The following RSBN1L variants were observed in gnomAD, a reference collection of about 807,000 sequenced individuals.
RSBN1L encodes the protein round spermatid basic protein 1 like.
A neutral mutation model predicts 67.7 loss-of-function variants in RSBN1L; 30 were observed. The observed-to-expected ratio is 0.44, with a 90% CI of 0.33 to 0.60. RSBN1L has a LOEUF of 0.60. Ranked by LOEUF, RSBN1L falls within the 20% of genes least tolerant of loss-of-function variation. The pLI is 0.02. For missense variants in RSBN1L, 992 were observed against 1,031.7 expected (o/e 0.96, Z 0.53); for synonymous variants, 433 against 387.0 (o/e 1.12, Z -1.39).
At position 77,697,064 on chromosome 7, in the gene RSBN1L, C is replaced by G. The variant is rs1310968269; in HGVS notation, c.586+9C>G. On this transcript the variant is annotated intron_variant, in intron 1 of 7. Coordinates refer to ENST00000334955, the MANE Select transcript of RSBN1L (RefSeq NM_198467.3). ...GAAGCCGCTGCCCCGAGGTGGGTGCCGTGCGGGGAGGGGGAGGGGAGGGCG... is the reference window on the plus strand; with the variant it reads ...GAAGCCGCTGCCCCGAGGTGGGTGCGGTGCGGGGAGGGGGAGGGGAGGGCG... 23 of 1,409,526 alleles carry G rather than the reference C, an allele frequency of 1.6e-5. No homozygotes were observed. The highest frequency in any genetic ancestry group is 7.4e-6 in the Non-Finnish European group (8 of 1,083,940). 87.3% of individuals were successfully genotyped at this position (1,409,526 alleles called of 1,614,324 possible).
At chr7:77,738,719 A>G (rs548633097) in intron 2 of RSBN1L, among the ~76,000 whole-genome samples, 1 of 152,198 alleles carries the variant, frequency 6.6e-6, no homozygotes, top group African/African-American at 2.4e-5. Flanking sequence ...AGGCCGAGGC[A>G]GGTGGATCAC....
At position 77,782,966 on chromosome 7, in the gene RSBN1L, TGA is replaced by T. The variant is rs1395154199; in HGVS notation, c.*3803_*3804del. On this transcript the variant is annotated 3_prime_UTR_variant, in exon 8 of 8. Transcript: ENST00000334955. ...AGGTGCAACATTTGTTTTTGGAGTT[TGA>T]GAGATATTTTCCTTGTCTTCCATCA... 6.6e-6 allele frequency: 1 copy of T among 152,224 alleles called. No homozygotes were observed. The highest frequency in any genetic ancestry group is 2.4e-5 in the African/African-American group (1 of 41,458). 9.4% of individuals were successfully genotyped at this position (152,224 alleles called of 1,614,324 possible).
intron 2 of RSBN1L, among the ~76,000 whole-genome samples, chr7:77,737,805 T>TTGAGG (rs1791356802): frequency 6.6e-6 from 1 of 152,032 alleles, no homozygotes; most frequent in Admixed American, 6.6e-5. Context: ...GGTGGATCAC[T>TTGAGG]TGAGGTCAGG....
intron 6 of RSBN1L, among the ~76,000 whole-genome samples, chr7:77,773,618 C>T (rs1394080435): frequency 6.6e-6 from 1 of 152,100 alleles, no homozygotes; most frequent in Non-Finnish European, 1.5e-5. Context: ...CAAAAGTTAG[C>T]CGGGCGTGGT....
Position 77,773,328 on chromosome 7 carries a change from C to T in RSBN1L, c.1793+14C>T, listed in dbSNP as rs768259313. On this transcript the variant is annotated intron_variant, in intron 6 of 7. Coordinates refer to ENST00000334955, the MANE Select transcript of RSBN1L (RefSeq NM_198467.3). ...CTGTGGAGAGTGGTATATATAACTACCGCTATTTTAATGAAAGAATTTCTT... is the reference window on the plus strand; with the variant it reads ...CTGTGGAGAGTGGTATATATAACTATCGCTATTTTAATGAAAGAATTTCTT... 1.4e-6 allele frequency: 2 copies of T among 1,442,816 alleles called. No individual in the cohort carries two copies. The highest frequency in any genetic ancestry group is 3.1e-5 in the South Asian group (2 of 63,710). The allele number at this position is 1,442,816 out of a possible 1,614,324, so 89.4% of individuals were successfully genotyped here.
At chr7:77,777,899 G>GTTTT (rs1175233452) in intron 6 of RSBN1L, among the ~76,000 whole-genome samples, 2 of 152,032 alleles carry the variant, frequency 1.3e-5, no homozygotes, top group African/African-American at 4.8e-5. Context: ...TTATTTAAGA[G>GTTTT]TTTTATGCAT....
At chr7:77,698,126 G>A (rs1423140616) in intron 1 of RSBN1L, among the ~76,000 whole-genome samples, 3 of 152,178 alleles carry the variant, frequency 2.0e-5, no homozygotes, top group Non-Finnish European at 4.4e-5. Flanking sequence ...GGATTATAAT[G>A]GTTTGTTTTC....
rs28716648 is a variant in RSBN1L, at chr7:77,780,065, T to C, written c.*897T>C. 0.57 allele frequency: 86,735 copies of C among 151,892 alleles called. 26,670 individuals are homozygous for C. Among genetic ancestry groups the C allele is most frequent in the African/African-American group, 0.81 (33,673 of 41,432 alleles). 9.4% of individuals were successfully genotyped at this position (151,892 alleles called of 1,614,324 possible). On this transcript the variant is annotated 3_prime_UTR_variant, in exon 8 of 8. Transcript: ENST00000334955. ...CAGGATGGTCTTGATCTCTTGACCT[T>C]GTGATCCGCCCACCTTGGCCTCCCA...
At chr7:77,716,641 T>G (rs1402297587) in intron 1 of RSBN1L, among the ~76,000 whole-genome samples, 1 of 145,488 alleles carries the variant, frequency 6.9e-6, no homozygotes, top group African/African-American at 2.5e-5. Flanking sequence ...TTTTTTTTTT[T>G]TTTTTTTTTA....
chr7:77,746,362 G>C (rs1165013223), intron 2 of RSBN1L, among the ~76,000 whole-genome samples: 3 of 152,100 alleles, frequency 2.0e-5, no homozygotes, highest in Non-Finnish European at 4.4e-5. Flanking sequence ...TGATGGGGGA[G>C]GTGCTGCACA....
At chr7:77,724,924 C>T (rs1791175962) in intron 1 of RSBN1L, among the ~76,000 whole-genome samples, 1 of 150,412 alleles carries the variant, frequency 6.6e-6, no homozygotes, top group African/African-American at 2.4e-5. Flanking sequence ...TTCACTGCAA[C>T]CTCCGCCTCC....
intron 6 of RSBN1L, among the ~76,000 whole-genome samples, chr7:77,777,820 G>T (rs1791936775): frequency 6.6e-6 from 1 of 152,018 alleles, no homozygotes. Flanking sequence ...TTAAAGGCAT[G>T]AGTAACCTCA....
chr7:77,703,880 C>T (rs181525356), intron 1 of RSBN1L, among the ~76,000 whole-genome samples: 53 of 152,222 alleles, frequency 3.5e-4, no homozygotes, highest in Admixed American at 2.9e-3. Flanking sequence ...ACCTTGAACT[C>T]CTGAGCCCAA....
rs375803380 is a variant in RSBN1L, at chr7:77,711,930, A to G, written c.586+14875A>G. ...CTTAGGAGCAAATTCTTGCCCTACC[A>G]CCCATTTGTGATCTGAAGGAAAGGA... is the stretch of plus-strand genomic sequence containing the variant. On this transcript the variant is annotated intron_variant, in intron 1 of 7. Coordinates refer to ENST00000334955, the MANE Select transcript of RSBN1L (RefSeq NM_198467.3). Among the ~76,000 whole-genome samples, 15 of 152,238 alleles carry G rather than the reference A, an allele frequency of 9.9e-5. No individual in the cohort carries two copies. The South Asian group carries it at 3.1e-3, about 32-fold the overall frequency.
At chr7:77,720,900 G>GA (rs1465059916) in intron 1 of RSBN1L, among the ~76,000 whole-genome samples, 1 of 151,468 alleles carries the variant, frequency 6.6e-6, no homozygotes, top group Non-Finnish European at 1.5e-5. Flanking sequence ...GGAATTACAG[G>GA]CGTGGGCGAC....
At chr7:77,715,160 T>G (rs1791029852) in intron 1 of RSBN1L, among the ~76,000 whole-genome samples, 1 of 151,848 alleles carries the variant, frequency 6.6e-6, no homozygotes, top group Non-Finnish European at 1.5e-5. Flanking sequence ...TAATCCCAGC[T>G]ACTTGGGAGG....
At chr7:77,765,343 T>C (rs191639976) in intron 3 of RSBN1L, 152 bp from the exon 4 acceptor site, 35 of 594,244 alleles carry the variant, frequency 5.9e-5, no homozygotes, top group Non-Finnish European at 2.6e-6. Flanking sequence ...AGTTTTGTTT[T>C]GCTTGCCTCA....
At position 77,778,619 on chromosome 7, in the gene RSBN1L, T is replaced by A; in HGVS notation, c.1992T>A (p.Ile664=). 6.2e-7 allele frequency: 1 copy of A among 1,614,098 alleles called. No homozygotes were observed. The highest frequency in any genetic ancestry group is 8.5e-7 in the Non-Finnish European group (1 of 1,179,994). Reference sequence around the variant, plus strand: ...GGATTCAGCTATATGATAATGACATTTATTTTATTCCAAGGAATGTTGTTC... The same window carrying A: ...GGATTCAGCTATATGATAATGACATATATTTTATTCCAAGGAATGTTGTTC... ...YARIQLYDND[I]YFIPRNVVHQ... Residue 664 remains isoleucine (I), a synonymous_variant, in exon 8 of 8, where the codon ATT becomes ATA. Transcript: ENST00000334955.
At chr7:77,777,760 T>C (rs1414866099) in intron 6 of RSBN1L, among the ~76,000 whole-genome samples, 2 of 152,136 alleles carry the variant, frequency 1.3e-5, no homozygotes, top group Non-Finnish European at 2.9e-5. Flanking sequence ...AAAAATGTAT[T>C]TATATATTCC....
Sources: allele counts gnomAD v4.1 joint callset (sites outside exome capture counted in the v4.1 genomes callset), GRCh38; gene constraint gnomAD v4.1.1; transcripts MANE v1.5; gene names NCBI Gene and HGNC (gene_info 2026-07-23, HGNC 2026-07-21).